HPSE2: variants seen among roughly 807,000 people sequenced by gnomAD.
The protein encoded by HPSE2 is inactive heparanase-2.
In HPSE2, 38 loss-of-function variants were observed where a neutral mutation model predicts 60.5. The ratio of observed to expected loss-of-function variants is 0.63; its 90% CI spans 0.48 to 0.82. HPSE2 has a LOEUF of 0.82. Among genes scored for constraint, HPSE2 ranks in the 40% least tolerant of loss-of-function variants. The pLI is 0.00. For synonymous variants in HPSE2, 295 were observed against 293.2 expected (o/e 1.01, Z -0.06); for missense variants, 713 against 740.4 (o/e 0.96, Z 0.43).
rs189804110 is a variant in HPSE2 at position 99,072,655 on chromosome 10, G to A, written c.610+71583C>T. On this transcript the variant is annotated intron_variant, in intron 3 of 11. Transcript: ENST00000370552. ...ATTATAAAAAAGTCAGCCGGGCATGGCGGCTCATGCCTATAATCCCAGCAC... is the reference window on the plus strand; with the variant it reads ...ATTATAAAAAAGTCAGCCGGGCATGACGGCTCATGCCTATAATCCCAGCAC... 3.1e-3 allele frequency among the ~76,000 whole-genome samples: 466 copies of A among 152,256 alleles called. 2 individuals are homozygous for A. The highest frequency in any genetic ancestry group is 0.011 in the African/African-American group (446 of 41,548).
chr10:99,162,688 C>T (rs1290024601), intron 2 of HPSE2, among the ~76,000 whole-genome samples: 1 of 152,150 alleles, frequency 6.6e-6, no homozygotes, highest in Non-Finnish European at 1.5e-5. Flanking sequence ...TTTAATTTCC[C>T]TAGTCTTCTA....
chr10:99,303,685 T>C, the HPSE2 span, among the ~76,000 whole-genome samples: 1 of 152,198 alleles, frequency 6.6e-6, no homozygotes, highest in African/African-American at 2.4e-5. Flanking sequence ...ACTACATATA[T>C]GAGCCTTTGG....
chr10:99,153,495 GA>G (rs1017721855), intron 2 of HPSE2, among the ~76,000 whole-genome samples: 12 of 152,162 alleles, frequency 7.9e-5, no homozygotes, highest in African/African-American at 2.6e-4. Context: ...GGGACACACT[GA>G]CACCTCACAC....
intron 3 of HPSE2, among the ~76,000 whole-genome samples, chr10:98,891,848 C>A (rs1435859909): frequency 6.6e-6 from 1 of 152,102 alleles, no homozygotes; most frequent in African/African-American, 2.4e-5. Context: ...TGGCTCACTG[C>A]AACCTCCACC....
At chr10:98,567,748 GGTGTGTGT>G (rs57706769) in intron 9 of HPSE2, among the ~76,000 whole-genome samples, 2 of 151,202 alleles carry the variant, frequency 1.3e-5, no homozygotes, top group Non-Finnish European at 1.5e-5. Context: ...ACAAATGGAT[GGTGTGTGT>G]GTGTGTGTGT....
chr10:99,065,694 T>A (rs1035886682), intron 3 of HPSE2, among the ~76,000 whole-genome samples: 4 of 152,146 alleles, frequency 2.6e-5, no homozygotes, highest in African/African-American at 9.7e-5. Flanking sequence ...CTAGAAGAAA[T>A]ATCTAAGCCA....
intron 3 of HPSE2, among the ~76,000 whole-genome samples, chr10:99,000,034 G>T (rs1466142600): frequency 6.6e-6 from 1 of 151,858 alleles, no homozygotes; most frequent in African/African-American, 2.4e-5. Flanking sequence ...AGAATGGAGA[G>T]AAAAATAAAA....
At chr10:98,976,266 C>A (rs1012544374) in intron 3 of HPSE2, among the ~76,000 whole-genome samples, 1 of 152,108 alleles carries the variant, frequency 6.6e-6, no homozygotes, top group African/African-American at 2.4e-5. Flanking sequence ...CCAACAAAGG[C>A]AAGTATAGCA....
At chr10:98,867,555 G>T (rs1952620819) in intron 3 of HPSE2, among the ~76,000 whole-genome samples, 1 of 152,132 alleles carries the variant, frequency 6.6e-6, no homozygotes, top group African/African-American at 2.4e-5. Context: ...GGAAATGTAA[G>T]TTAGTACAAC....
At chr10:99,239,675 C>T (rs1486894448), upstream of HPSE2, among the ~76,000 whole-genome samples, 1 of 151,688 alleles carries the variant, frequency 6.6e-6, no homozygotes, top group Non-Finnish European at 1.5e-5. Flanking sequence ...GGCAATCCAC[C>T]CACCTCAGTC....
At chr10:98,490,293 G>A (rs1941599221) in intron 9 of HPSE2, 97 bp from the exon 10 acceptor site, 1 of 1,127,368 alleles carries the variant, frequency 8.9e-7, no homozygotes, top group Non-Finnish European at 1.3e-6. Context: ...ACACACACAC[G>A]GGCCAGAAAT....
chr10:98,505,786 C>T (rs1942180191), intron 9 of HPSE2, among the ~76,000 whole-genome samples: 1 of 152,146 alleles, frequency 6.6e-6, no homozygotes, highest in Non-Finnish European at 1.5e-5. Context: ...CATCATCTCT[C>T]CTTTCTTTAG....
chr10:98,981,932 C>T (rs1956216690), intron 3 of HPSE2, among the ~76,000 whole-genome samples: 1 of 152,132 alleles, frequency 6.6e-6, no homozygotes, highest in Non-Finnish European at 1.5e-5. Flanking sequence ...GCAATACCCT[C>T]CTTACTGGCC....
chr10:98,584,138 T>C (rs1944876901), intron 9 of HPSE2, among the ~76,000 whole-genome samples: 1 of 152,188 alleles, frequency 6.6e-6, no homozygotes, highest in East Asian at 1.9e-4. Context: ...GTAGGAGGGT[T>C]CCAGTTGCTC....
At chr10:98,625,219 G>T (rs185425945) in intron 7 of HPSE2, among the ~76,000 whole-genome samples, 1 of 152,278 alleles carries the variant, frequency 6.6e-6, no homozygotes, top group East Asian at 1.9e-4. Flanking sequence ...CCTGATCAAA[G>T]AATTGGAAGC....
rs1942559206 is a variant in HPSE2, at chr10:98,515,144, G to A, written c.1321-24948C>T. Among the ~76,000 whole-genome samples, 2 of 152,188 alleles carry A rather than the reference G, an allele frequency of 1.3e-5. 1 individual carries two copies. Among genetic ancestry groups the A allele is most frequent in the South Asian group, 4.1e-4 (2 of 4,828 alleles). On this transcript the variant is annotated intron_variant, in intron 9 of 11. Transcript: ENST00000370552. ...GGTGGTGTGGTCAAGCCGACTGAGA[G>A]TGGCTGGAGGTGATTTATTCCATGG...
At chr10:99,063,335 A>G (rs1241780665) in intron 3 of HPSE2, among the ~76,000 whole-genome samples, 1 of 148,432 alleles carries the variant, frequency 6.7e-6, no homozygotes, top group Admixed American at 6.7e-5. Flanking sequence ...ACACACACAG[A>G]AAAAAAAAAC....
chr10:98,753,107 G>T (rs1949796489), intron 3 of HPSE2, among the ~76,000 whole-genome samples: 1 of 152,068 alleles, frequency 6.6e-6, no homozygotes, highest in Non-Finnish European at 1.5e-5. Flanking sequence ...TACATAGGAG[G>T]AATAATTTCC....
At chr10:98,568,412 G>T (rs139909431) in intron 9 of HPSE2, among the ~76,000 whole-genome samples, 19 of 152,282 alleles carry the variant, frequency 1.2e-4, no homozygotes, top group African/African-American at 4.3e-4. Flanking sequence ...CTAGGTCAGG[G>T]ACTGGCACAT....
Sources: gnomAD v4.1 joint callset for allele counts (sites outside exome capture counted in the v4.1 genomes callset) on GRCh38, gnomAD v4.1.1 for gene constraint, MANE v1.5 for transcripts, NCBI Gene and HGNC (gene_info 2026-07-23, HGNC 2026-07-21) for gene names.